KCNIP1: variants seen among roughly 807,000 people sequenced by gnomAD.
The protein encoded by KCNIP1 is A-type potassium channel modulatory protein KCNIP1.
Under a neutral mutation model 33.0 loss-of-function variants are expected in KCNIP1, and 18 were observed. That is an observed-to-expected ratio of 0.55 (90% CI 0.38 to 0.81). The LOEUF is 0.81. Among genes scored for constraint, KCNIP1 ranks in the 30% least tolerant of loss-of-function variants. The pLI is 0.00. For synonymous variants in KCNIP1, 93 were observed against 98.3 expected, an observed-to-expected ratio of 0.95 and a Z score of 0.32; for missense variants, 238 against 271.6, an observed-to-expected ratio of 0.88 and a Z score of 0.87.
chr5:170,659,461 A>G (rs890948108), intron 1 of KCNIP1, among the ~76,000 whole-genome samples: 2 of 152,278 alleles, frequency 1.3e-5, no homozygotes, highest in African/African-American at 2.4e-5. Flanking sequence ...AAATTTGGGG[A>G]AAAAAGCAAA....
At chr5:170,493,766 G>A (rs180678430) in intron 1 of KCNIP1, among the ~76,000 whole-genome samples, 108 of 152,232 alleles carry the variant, frequency 7.1e-4, no homozygotes, top group Admixed American at 2.9e-3. Flanking sequence ...GAGAAGCCTG[G>A]CCTGGCCCTC....
intron 1 of KCNIP1, among the ~76,000 whole-genome samples, chr5:170,451,091 G>A (rs1190170654): frequency 2.0e-5 from 3 of 152,200 alleles, no homozygotes; most frequent in Non-Finnish European, 4.4e-5. Context: ...TTTGTCTCCT[G>A]TTGAACAATT....
At chr5:170,700,830 A>G (rs10060825) in intron 1 of KCNIP1, among the ~76,000 whole-genome samples, 24,450 of 152,150 alleles carry the variant, frequency 0.16, 2,378 homozygotes, top group African/African-American at 0.27. Flanking sequence ...CAAAAGGGTA[A>G]AAGGTACACC....
At chr5:170,485,506 T>G (rs527772892) in intron 1 of KCNIP1, among the ~76,000 whole-genome samples, 1 of 152,232 alleles carries the variant, frequency 6.6e-6, no homozygotes, top group South Asian at 2.1e-4. Context: ...CACAGACACA[T>G]GGCCCACCTT....
intron 1 of KCNIP1, among the ~76,000 whole-genome samples, chr5:170,601,481 A>G (rs1758686235): frequency 6.6e-6 from 1 of 152,224 alleles, no homozygotes; most frequent in African/African-American, 2.4e-5. Flanking sequence ...GCTCTGTCTT[A>G]GAATGAGGCA....
chr5:170,640,526 T>C (rs11953928), intron 1 of KCNIP1, among the ~76,000 whole-genome samples: 1,629 of 152,288 alleles, frequency 0.011, 36 homozygotes, highest in African/African-American at 0.037. Context: ...TGGGTTAAAA[T>C]GAAGCATTTC....
intron 1 of KCNIP1, among the ~76,000 whole-genome samples, chr5:170,433,996 C>A (rs184824658): frequency 4.9e-4 from 74 of 152,212 alleles, no homozygotes; most frequent in Non-Finnish European, 1.5e-4. Flanking sequence ...TTGATTGGGC[C>A]GCATTTCTTT....
Position 170,496,348 on chromosome 5 carries a change from A to G in KCNIP1, c.88+142384A>G, listed in dbSNP as rs75546582. Among the ~76,000 whole-genome samples the G allele has an allele frequency of 7.8e-3, 1,182 of 152,336 alleles. 18 individuals carry two copies. Among genetic ancestry groups the G allele is most frequent in the African/African-American group, 0.027 (1,140 of 41,568 alleles). ...GCTAGAAGTCAGTGGCAAGAGCAGCAGGAGGACTTGGAGCTACATGCAGAG... is the reference window on the plus strand; with the variant it reads ...GCTAGAAGTCAGTGGCAAGAGCAGCGGGAGGACTTGGAGCTACATGCAGAG... On this transcript the variant is annotated intron_variant, in intron 1 of 7. Transcript: ENST00000377360.
At chr5:170,523,502 A>G (rs910235699) in intron 1 of KCNIP1, among the ~76,000 whole-genome samples, 1 of 152,142 alleles carries the variant, frequency 6.6e-6, no homozygotes, top group African/African-American at 2.4e-5. Context: ...GAGGGTAATC[A>G]TTCCTCCTCC....
In KCNIP1 at chr5:170,504,234, G is replaced by T. The variant is rs1754611415; in HGVS notation, c.-339G>T. 1 of 1,079,384 alleles carries T rather than the reference G, an allele frequency of 9.3e-7. No homozygotes were observed. The highest frequency in any genetic ancestry group is 5.9e-5 in the East Asian group (1 of 16,888). The allele number at this position is 1,079,384 out of a possible 1,614,324, so 66.9% of individuals were successfully genotyped here. On this transcript the variant is annotated 5_prime_UTR_variant, in exon 1 of 8. Coordinates refer to ENST00000328939, the MANE Select transcript of KCNIP1 (RefSeq NM_014592.4). This position sits in a 1 kb window ranked among gnomAD's most constrained non-coding sequence, Gnocchi z 6.0. ...CGGCGCTGGCTCGGCAGCCTCGGCC[G>T]GGCGGCCGCTCTGGCCCCGTGTCCA...
chr5:170,566,217 T>G (rs1469266288), intron 1 of KCNIP1, among the ~76,000 whole-genome samples: 2 of 151,938 alleles, frequency 1.3e-5, no homozygotes, highest in Admixed American at 1.3e-4. Context: ...CCTGCCATCA[T>G]GCATGACTAA....
At chr5:170,689,998 C>G (rs1019282261) in intron 1 of KCNIP1, among the ~76,000 whole-genome samples, 1 of 152,172 alleles carries the variant, frequency 6.6e-6, no homozygotes, top group African/African-American at 2.4e-5. Context: ...AACAGCCTGC[C>G]TTTATCCTGT....
At chr5:170,525,423 G>A (rs1755531595) in intron 1 of KCNIP1, among the ~76,000 whole-genome samples, 1 of 152,220 alleles carries the variant, frequency 6.6e-6, no homozygotes, top group African/African-American at 2.4e-5. Flanking sequence ...CTGAGATTTA[G>A]CAAAGGCTCA....
At chr5:170,561,287 C>T (rs1245062254) in intron 1 of KCNIP1, among the ~76,000 whole-genome samples, 2 of 152,230 alleles carry the variant, frequency 1.3e-5, no homozygotes, top group African/African-American at 2.4e-5. Flanking sequence ...CCCTGCCTTG[C>T]CAGCCCTGCT....
chr5:170,553,825 C>T (rs1307749955), intron 1 of KCNIP1, among the ~76,000 whole-genome samples: 1 of 152,212 alleles, frequency 6.6e-6, no homozygotes, highest in Non-Finnish European at 1.5e-5. Flanking sequence ...AGAGGAAGTC[C>T]TCAGTAACAT....
At chr5:170,571,844 A>G (rs1757422090) in intron 1 of KCNIP1, among the ~76,000 whole-genome samples, 1 of 152,240 alleles carries the variant, frequency 6.6e-6, no homozygotes, top group African/African-American at 2.4e-5. Context: ...CCCTTCGCCT[A>G]CAAAATACCG....
chr5:170,642,821 G>A (rs148516098), intron 1 of KCNIP1, among the ~76,000 whole-genome samples: 7 of 152,238 alleles, frequency 4.6e-5, no homozygotes, highest in Non-Finnish European at 7.4e-5. Context: ...TGCTCACATC[G>A]TCCCATGTAA....
intron 3 of KCNIP1, among the ~76,000 whole-genome samples, chr5:170,721,593 A>AGAAT (rs1457060961): frequency 6.6e-6 from 1 of 152,088 alleles, no homozygotes; most frequent in African/African-American, 2.4e-5. Flanking sequence ...GACAGGCAGG[A>AGAAT]GAATGGTTTT....
intron 1 of KCNIP1, among the ~76,000 whole-genome samples, chr5:170,392,555 G>T (rs181288073): frequency 1.3e-3 from 191 of 152,310 alleles, no homozygotes; most frequent in Admixed American, 2.5e-3. Context: ...GGGCATGGTG[G>T]CTCATGCCTG....
Sources: allele counts gnomAD v4.1 joint callset (sites outside exome capture counted in the v4.1 genomes callset), GRCh38; gene constraint gnomAD v4.1.1; non-coding constraint Gnocchi (gnomAD v3.1); transcripts MANE v1.5; gene names NCBI Gene and HGNC (gene_info 2026-07-23, HGNC 2026-07-21).